Variants in FBXO34 observed in about 807,000 individuals in gnomAD.
FBXO34 encodes F-box protein 34, also known as F-box only protein 34.
A neutral mutation model predicts 24.5 loss-of-function variants in FBXO34; 12 were observed. That is an observed-to-expected ratio of 0.49 (90% CI 0.31 to 0.79). The LOEUF (loss-of-function observed/expected upper bound fraction) is 0.79. Among genes scored for constraint, FBXO34 ranks in the 30% least tolerant of loss-of-function variants. The pLI, the probability that FBXO34 is intolerant of heterozygous loss-of-function variation, is 0.04. For missense variants in FBXO34, 823 were observed against 857.7 expected (o/e 0.96, Z 0.51); for synonymous variants, 320 against 311.9 (o/e 1.03, Z -0.27).
chr14:55,308,298 C>T (rs539297614), intron 1 of FBXO34, among the ~76,000 whole-genome samples: 1 of 152,264 alleles, frequency 6.6e-6, no homozygotes, highest in South Asian at 2.1e-4. Flanking sequence ...TCAGTTTGTT[C>T]TTCAGGAGAT....
At chr14:55,376,489 T>C in the FBXO34 span, among the ~76,000 whole-genome samples, 2 of 152,158 alleles carry the variant, frequency 1.3e-5, no homozygotes, top group African/African-American at 4.8e-5. Flanking sequence ...ATTGTAAGTA[T>C]ATGTGCAGTT....
the FBXO34 span, among the ~76,000 whole-genome samples, chr14:55,427,925 C>A: frequency 4.3e-3 from 593 of 137,682 alleles, 11 homozygotes; most frequent in Admixed American, 0.037. Flanking sequence ...GTGGCCCGGG[C>A]TGGAGTGCAG....
chr14:55,279,376 C>T (rs534944003), intron 1 of FBXO34, among the ~76,000 whole-genome samples: 26 of 151,204 alleles, frequency 1.7e-4, no homozygotes, highest in Admixed American at 9.2e-4. Context: ...GTATCTGTAA[C>T]GAAAGATCAT....
downstream of FBXO34, among the ~76,000 whole-genome samples, chr14:55,364,088 T>TA (rs1173620878): frequency 6.6e-6 from 1 of 151,928 alleles, no homozygotes; most frequent in Non-Finnish European, 1.5e-5. Context: ...GTAGCTGGGA[T>TA]AACAGGCATG....
chr14:55,339,378 G>GCCCCCC (rs776454579), intron 1 of FBXO34: 1 of 113,166 alleles, frequency 8.8e-6, no homozygotes, highest in African/African-American at 3.4e-5. Flanking sequence ...TTAATCACCT[G>GCCCCCC]CCCCCCCCCC....
chr14:55,272,390 TAAGTC>T (rs371086510), intron 1 of FBXO34: 2 of 152,278 alleles, frequency 1.3e-5, no homozygotes, highest in Non-Finnish European at 2.9e-5. Context: ...TAGAAAAACT[TAAGTC>T]AGGGTAGGAG....
intron 1 of FBXO34, among the ~76,000 whole-genome samples, chr14:55,293,041 C>A (rs188759982): frequency 6.6e-6 from 1 of 152,146 alleles, no homozygotes; most frequent in African/African-American, 2.4e-5. Context: ...TGCCACCACA[C>A]CCGGCTAATT....
the FBXO34 span, chr14:55,433,614 G>A: frequency 1.2e-6 from 2 of 1,607,302 alleles, no homozygotes; most frequent in East Asian, 4.5e-5. Context: ...AGGGGTGGAG[G>A]GATGATTCCT....
chr14:55,301,436 C>CA (rs536199747), intron 1 of FBXO34, among the ~76,000 whole-genome samples: 25,819 of 135,634 alleles, frequency 0.19, 3,164 homozygotes, highest in African/African-American at 0.38. Flanking sequence ...GACTCTGTCT[C>CA]AAAAAAAAAA....
At chr14:55,428,738 C>T in the FBXO34 span, 9 of 1,452,076 alleles carry the variant, frequency 6.2e-6, no homozygotes, top group Admixed American at 1.1e-4. Flanking sequence ...AGATACTTTA[C>T]GTAAGCAACC....
chr14:55,293,661 T>C (rs1448684295), intron 1 of FBXO34, among the ~76,000 whole-genome samples: 1 of 152,070 alleles, frequency 6.6e-6, no homozygotes, highest in African/African-American at 2.4e-5. Flanking sequence ...AAAGTATTGC[T>C]TAGTAAATGG....
intron 1 of FBXO34, among the ~76,000 whole-genome samples, chr14:55,281,862 G>A (rs923939218): frequency 2.0e-5 from 3 of 152,036 alleles, no homozygotes; most frequent in Non-Finnish European, 4.4e-5. Context: ...TCCCTGAATT[G>A]TAGGCACATA....
chr14:55,397,539 T>C, the FBXO34 span: 4 of 896,900 alleles, frequency 4.5e-6, no homozygotes, highest in Non-Finnish European at 5.4e-6. Context: ...CATGTGAAAA[T>C]GTCATTGTCC....
the FBXO34 span, among the ~76,000 whole-genome samples, chr14:55,382,367 C>T: frequency 6.6e-6 from 1 of 152,118 alleles, no homozygotes. Context: ...ACATGGAGCG[C>T]AGTGACAGAT....
At chr14:55,396,167 T>G in the FBXO34 span, among the ~76,000 whole-genome samples, 1 of 152,236 alleles carries the variant, frequency 6.6e-6, no homozygotes, top group African/African-American at 2.4e-5. Flanking sequence ...CTCCTTCCTT[T>G]TGTAGTTCTG....
At chr14:55,326,882 G>A (rs1296924860) in intron 1 of FBXO34, among the ~76,000 whole-genome samples, 1 of 152,040 alleles carries the variant, frequency 6.6e-6, no homozygotes, top group Non-Finnish European at 1.5e-5. Flanking sequence ...AAAACAGCTG[G>A]TATAATTTTT....
At chr14:55,390,996 A>G in the FBXO34 span, 7 of 1,597,742 alleles carry the variant, frequency 4.4e-6, no homozygotes, top group Admixed American at 1.2e-4. Context: ...TCCATCTCTG[A>G]AAAAAGCATG....
intron 1 of FBXO34, among the ~76,000 whole-genome samples, chr14:55,325,261 T>G (rs1440263583): frequency 6.6e-6 from 1 of 152,148 alleles, no homozygotes; most frequent in Non-Finnish European, 1.5e-5. Context: ...CTTAGTTACT[T>G]TAGTGGATTT....
At chr14:55,275,146 T>A (rs1881291068) in intron 1 of FBXO34, among the ~76,000 whole-genome samples, 1 of 152,236 alleles carries the variant, frequency 6.6e-6, no homozygotes, top group Non-Finnish European at 1.5e-5. Flanking sequence ...TGTAGTTGTT[T>A]GTTAGTGTTG....
Sources: gnomAD v4.1 joint callset for allele counts (sites outside exome capture counted in the v4.1 genomes callset) on GRCh38, gnomAD v4.1.1 for gene constraint, MANE v1.5 for transcripts, NCBI Gene and HGNC (gene_info 2026-07-23, HGNC 2026-07-21) for gene names.